NEK10: variants seen among roughly 807,000 people sequenced by gnomAD.
NEK10 encodes NIMA related kinase 10, also known as serine/threonine-protein kinase Nek10.
Under a neutral mutation model 159.8 loss-of-function variants are expected in NEK10, and 122 were observed. That is an observed-to-expected ratio of 0.76 (90% CI 0.66 to 0.89). The LOEUF (loss-of-function observed/expected upper bound fraction) is 0.89. Ranked by LOEUF, NEK10 falls within the 40% of genes least tolerant of loss-of-function variation. The probability of loss-of-function intolerance (pLI) is 0.00; values close to 1 mark genes in which losing one functional copy is unlikely to be tolerated. For synonymous variants in NEK10, 466 were observed against 457.1 expected, an observed-to-expected ratio of 1.02 and a Z score of -0.25; for missense variants, 1,342 against 1,323.1, an observed-to-expected ratio of 1.01 and a Z score of -0.22.
At position 27,266,198 on chromosome 3, in the gene NEK10, C is replaced by T. The variant is rs184624864; in HGVS notation, c.2015-9827G>A. ...TAGAAGTTTTAAACTTTGACTAAGT[C>T]AAATTTATTAGTTTATTTTACATGT... On this transcript the variant is annotated intron_variant, in intron 22 of 35. Coordinates refer to ENST00000691995, the MANE Select transcript of NEK10 (RefSeq NM_001394966.1). Among the ~76,000 whole-genome samples, 799 of 152,248 alleles carry T rather than the reference C, an allele frequency of 5.2e-3. 4 individuals carry two copies. The highest frequency in any genetic ancestry group is 8.0e-3 in the Non-Finnish European group (543 of 68,018).
intron 3 of NEK10, among the ~76,000 whole-genome samples, chr3:27,350,379 T>C (rs2047883680): frequency 6.6e-6 from 1 of 152,132 alleles, no homozygotes; most frequent in African/African-American, 2.4e-5. Context: ...AAGCAAAGTA[T>C]AAATAAGTGT....
chr3:27,248,277 G>A (rs915718207), intron 23 of NEK10, among the ~76,000 whole-genome samples: 3 of 151,776 alleles, frequency 2.0e-5, no homozygotes, highest in Non-Finnish European at 2.9e-5. Context: ...TCTGTCTAAA[G>A]GTTTGTTAAT....
At chr3:27,175,172 CA>C (rs1947386577) in intron 26 of NEK10, among the ~76,000 whole-genome samples, 1 of 152,048 alleles carries the variant, frequency 6.6e-6, no homozygotes, top group East Asian at 1.9e-4. Flanking sequence ...TAAGTTTTTT[CA>C]AAAACATTTG....
At chr3:27,305,608 A>G (rs552990068) in intron 11 of NEK10, among the ~76,000 whole-genome samples, 19 of 95,380 alleles carry the variant, frequency 2.0e-4, no homozygotes, top group African/African-American at 1.8e-3. Flanking sequence ...GCATTGTGCT[A>G]AAGACTAAAA....
At chr3:27,223,577 G>T (rs966792239) in intron 23 of NEK10, among the ~76,000 whole-genome samples, 3 of 152,104 alleles carry the variant, frequency 2.0e-5, no homozygotes, top group Non-Finnish European at 2.9e-5. Flanking sequence ...TTCTCACATC[G>T]TGTCTGACAC....
rs535550642 is a variant in NEK10 at position 27,205,196 on chromosome 3, G to T, written c.2091-2639C>A. 4.6e-5 allele frequency among the ~76,000 whole-genome samples: 7 copies of T among 151,774 alleles called. No homozygotes were observed. The South Asian group carries it at 6.3e-4, about 14-fold the overall frequency. ...AGGAGAACTACAAACCACTGCTCAA[G>T]GAAATAAAAGAGGATACAAACAAAT... On this transcript the variant is annotated intron_variant, in intron 23 of 35. Transcript: ENST00000691995.
Position 27,304,824 on chromosome 3 carries a change from C to G in NEK10, c.951G>C (p.Gln317His), listed in dbSNP as rs1214646155. ...LLWSIVWILV[Q>H]VCEDPETSVE... ...CGCTGGTCTCAGGGTCCTCACAAAC[C>G]TGTACCAGAATCCAGACAATGCTCC... is the stretch of plus-strand genomic sequence containing the variant. Residue 317 changes from glutamine (Q) to histidine (H), a missense_variant, in exon 12 of 36, where the codon CAG (glutamine) becomes CAC (histidine). Physicochemically the swap from Gln to His is conservative, Grantham distance 24. Coordinates refer to ENST00000691995, the MANE Select transcript of NEK10 (RefSeq NM_001394966.1). The G allele has an allele frequency of 3.7e-5, 60 of 1,613,840 alleles. No homozygotes were observed. Among genetic ancestry groups the G allele is most frequent in the Non-Finnish European group, 4.9e-5 (58 of 1,179,870 alleles).
intron 29 of NEK10, among the ~76,000 whole-genome samples, chr3:27,170,464 G>A (rs1946868160): frequency 6.6e-6 from 1 of 152,328 alleles, no homozygotes; most frequent in South Asian, 2.1e-4. Flanking sequence ...GGGCACAGTG[G>A]CGAATGCCTG....
At chr3:27,210,966 G>A (rs966786402) in intron 23 of NEK10, among the ~76,000 whole-genome samples, 4 of 152,198 alleles carry the variant, frequency 2.6e-5, no homozygotes, top group Admixed American at 6.5e-5. Context: ...ACTTCTTCAA[G>A]TTAGGGAAAC....
At chr3:27,342,656 C>T (rs1033392301) in intron 5 of NEK10, among the ~76,000 whole-genome samples, 2 of 152,074 alleles carry the variant, frequency 1.3e-5, no homozygotes, top group Non-Finnish European at 2.9e-5. Flanking sequence ...AGAGATCTCT[C>T]GACTTTAGAA....
chr3:27,309,094 G>T (rs2044472300), intron 9 of NEK10, 89 bp from the exon 10 acceptor site: 1 of 662,612 alleles, frequency 1.5e-6, no homozygotes, highest in South Asian at 2.0e-5. Context: ...TCCATTACCA[G>T]CTGCTTGAAT....
intron 33 of NEK10, among the ~76,000 whole-genome samples, chr3:27,117,340 C>T (rs1940614717): frequency 6.6e-6 from 1 of 152,134 alleles, no homozygotes; most frequent in African/African-American, 2.4e-5. Flanking sequence ...TGGGTATATA[C>T]CCAGTAATGG....
intron 23 of NEK10, among the ~76,000 whole-genome samples, chr3:27,228,975 G>T (rs1417353049): frequency 1.3e-5 from 2 of 152,072 alleles, no homozygotes; most frequent in African/African-American, 4.8e-5. Context: ...TTAGCACTGG[G>T]TATTACATCT....
At chr3:27,350,550 T>C (rs536544046) in intron 3 of NEK10, among the ~76,000 whole-genome samples, 119 of 152,306 alleles carry the variant, frequency 7.8e-4, no homozygotes, top group African/African-American at 2.3e-3. Context: ...AGGATCTTCA[T>C]TAAATTGACA....
intron 5 of NEK10, among the ~76,000 whole-genome samples, chr3:27,329,384 G>A (rs2046238473): frequency 6.6e-6 from 1 of 152,198 alleles, no homozygotes; most frequent in South Asian, 2.1e-4. Flanking sequence ...AAGTGGATAG[G>A]AAAATTTAGG....
At chr3:27,337,774 T>A (rs1476369166) in intron 5 of NEK10, among the ~76,000 whole-genome samples, 1 of 151,984 alleles carries the variant, frequency 6.6e-6, no homozygotes, top group African/African-American at 2.4e-5. Flanking sequence ...TGGACCCCTA[T>A]CTCTCTCTCA....
At chr3:27,310,898 G>A in intron 9 of NEK10, 51 bp downstream of exon 9, 1 of 1,138,416 alleles carries the variant, frequency 8.8e-7, no homozygotes, top group Non-Finnish European at 1.3e-6. Flanking sequence ...TCCCTAATGT[G>A]AACTATTGCC....
chr3:27,227,017 AC>A (rs1306600778), intron 23 of NEK10, among the ~76,000 whole-genome samples: 1 of 152,188 alleles, frequency 6.6e-6, no homozygotes, highest in African/African-American at 2.4e-5. Context: ...CTAAATTATT[AC>A]AAAAGCCTTA....
chr3:27,232,227 T>A (rs1484899029), intron 23 of NEK10, among the ~76,000 whole-genome samples: 1 of 151,746 alleles, frequency 6.6e-6, no homozygotes, highest in Non-Finnish European at 1.5e-5. Flanking sequence ...TCAGAATACA[T>A]AATCAATGTA....
Sources: allele counts gnomAD v4.1 joint callset (sites outside exome capture counted in the v4.1 genomes callset), GRCh38; gene constraint gnomAD v4.1.1; transcripts MANE v1.5; gene names NCBI Gene and HGNC (gene_info 2026-07-23, HGNC 2026-07-21).